Variants in SLCO5A1 observed in about 807,000 individuals in gnomAD.
SLCO5A1 encodes solute carrier organic anion transporter family member 5A1.
A neutral mutation model predicts 65.1 loss-of-function variants in SLCO5A1; 39 were observed. The observed-to-expected ratio is 0.60, with a 90% CI of 0.46 to 0.78. SLCO5A1 has a LOEUF of 0.78. Among genes scored for constraint, SLCO5A1 ranks in the 30% least tolerant of loss-of-function variants. The pLI is 0.00. For missense variants in SLCO5A1, 1,029 were observed against 1,069.4 expected, an observed-to-expected ratio of 0.96 and a Z score of 0.53; for synonymous variants, 438 against 415.7, an observed-to-expected ratio of 1.05 and a Z score of -0.65.
At chr8:69,820,197 A>G (rs1010637227) in intron 2 of SLCO5A1, among the ~76,000 whole-genome samples, 5 of 152,228 alleles carry the variant, frequency 3.3e-5, no homozygotes, top group African/African-American at 1.2e-4. Context: ...TAGAGGAAAC[A>G]GGTACTGCCT....
At chr8:69,728,230 T>C (rs1478536201) in intron 5 of SLCO5A1, among the ~76,000 whole-genome samples, 1 of 152,178 alleles carries the variant, frequency 6.6e-6, no homozygotes, top group Non-Finnish European at 1.5e-5. Flanking sequence ...GCATACGTAA[T>C]ACATGTATTT....
chr8:69,688,464 C>A (rs1814095790), intron 6 of SLCO5A1, among the ~76,000 whole-genome samples: 1 of 152,068 alleles, frequency 6.6e-6, no homozygotes, highest in African/African-American at 2.4e-5. Flanking sequence ...TTAGGTATAT[C>A]TCCCAATGCT....
At chr8:69,736,320 T>C (rs1343911839) in intron 5 of SLCO5A1, among the ~76,000 whole-genome samples, 1 of 152,242 alleles carries the variant, frequency 6.6e-6, no homozygotes, top group Non-Finnish European at 1.5e-5. Context: ...CTGAACCCTT[T>C]ATTTTCCACA....
intron 6 of SLCO5A1, 44 bp from the exon 7 acceptor site, chr8:69,682,387 T>C (rs747336806): frequency 6.9e-7 from 1 of 1,454,220 alleles, no homozygotes; most frequent in South Asian, 1.5e-5. Context: ...CTTACCAAAA[T>C]AAAACTCATA....
intron 5 of SLCO5A1, among the ~76,000 whole-genome samples, chr8:69,737,343 C>T (rs11785641): frequency 2.0e-5 from 3 of 152,052 alleles, no homozygotes; most frequent in Admixed American, 6.6e-5. Context: ...ATAAATTAAG[C>T]CTTTAGGAAG....
chr8:69,801,747 A>C (rs1819746829), intron 2 of SLCO5A1, among the ~76,000 whole-genome samples: 1 of 152,194 alleles, frequency 6.6e-6, no homozygotes, highest in African/African-American at 2.4e-5. Context: ...TCCCTGGTCA[A>C]AAAAATCAGT....
chr8:69,813,628 C>T (rs376595527), intron 2 of SLCO5A1, among the ~76,000 whole-genome samples: 49 of 152,300 alleles, frequency 3.2e-4, no homozygotes, highest in African/African-American at 1.1e-3. Context: ...ATCTCTCAAG[C>T]CGCCGGGAGG....
intron 5 of SLCO5A1, among the ~76,000 whole-genome samples, chr8:69,736,301 C>T (rs1256268204): frequency 6.6e-6 from 1 of 152,242 alleles, no homozygotes; most frequent in Non-Finnish European, 1.5e-5. Flanking sequence ...GCCGACACCC[C>T]AGCTCCAGCT....
At chr8:69,765,403 C>T (rs75412296) in intron 2 of SLCO5A1, among the ~76,000 whole-genome samples, 16,672 of 145,056 alleles carry the variant, frequency 0.11, 982 homozygotes, top group African/African-American at 0.14. Flanking sequence ...TATATATATA[C>T]ACACACACAC....
chr8:69,760,583 A>G (rs1284749154), intron 3 of SLCO5A1, among the ~76,000 whole-genome samples: 3 of 152,184 alleles, frequency 2.0e-5, no homozygotes, highest in African/African-American at 7.2e-5. Context: ...TGAGTGAGTA[A>G]TTACTTGGCA....
At chr8:69,752,216 G>A (rs1817339203) in intron 4 of SLCO5A1, among the ~76,000 whole-genome samples, 2 of 152,190 alleles carry the variant, frequency 1.3e-5, no homozygotes, top group South Asian at 4.2e-4. Flanking sequence ...GGGTGACAGA[G>A]AGAGACTCTG....
intron 5 of SLCO5A1, among the ~76,000 whole-genome samples, chr8:69,728,929 C>G (rs752293184): frequency 6.6e-6 from 1 of 152,012 alleles, no homozygotes; most frequent in Non-Finnish European, 1.5e-5. Flanking sequence ...ACCCGAGTGT[C>G]CAGATGATGG....
At chr8:69,735,817 A>C (rs1400292044) in intron 5 of SLCO5A1, among the ~76,000 whole-genome samples, 1 of 152,162 alleles carries the variant, frequency 6.6e-6, no homozygotes, top group East Asian at 1.9e-4. Flanking sequence ...TGTATCCCAG[A>C]ACTTAAAATT....
Position 69,757,572 on chromosome 8 carries a change from G to A in SLCO5A1, c.1041-1931C>T, listed in dbSNP as rs536520820. ...CAAGTGCCTGTAATCCCAGCTACTC[G>A]GGAGGCTGAGGCAGGAGAATGGCTT... On this transcript the variant is annotated intron_variant, in intron 3 of 9. Coordinates refer to ENST00000260126, the MANE Select transcript of SLCO5A1 (RefSeq NM_030958.3). Among the ~76,000 whole-genome samples, 19 of 152,194 alleles carry A rather than the reference G, an allele frequency of 1.2e-4. 1 individual carries two copies. Among genetic ancestry groups the A allele is most frequent in the Admixed American group, 3.3e-4 (5 of 15,286 alleles).
At chr8:69,747,493 A>G (rs1395588591) in intron 4 of SLCO5A1, among the ~76,000 whole-genome samples, 2 of 152,222 alleles carry the variant, frequency 1.3e-5, no homozygotes, top group African/African-American at 4.8e-5. Context: ...TTCCCTAATC[A>G]AGACCATATA....
intron 2 of SLCO5A1, among the ~76,000 whole-genome samples, chr8:69,767,607 T>G (rs1243253109): frequency 2.0e-5 from 3 of 152,084 alleles, no homozygotes; most frequent in Non-Finnish European, 2.9e-5. Context: ...ATAAGCTGTT[T>G]TAGGCCAGGC....
At chr8:69,749,197 C>G (rs1817167947) in intron 4 of SLCO5A1, among the ~76,000 whole-genome samples, 1 of 152,182 alleles carries the variant, frequency 6.6e-6, no homozygotes, top group African/African-American at 2.4e-5. Context: ...TTAGGCAGCT[C>G]AAGTTCAGAA....
intron 5 of SLCO5A1, among the ~76,000 whole-genome samples, chr8:69,717,949 G>A (rs1032978439): frequency 2.0e-5 from 3 of 152,036 alleles, no homozygotes; most frequent in Non-Finnish European, 4.4e-5. Context: ...TTAATTTTCA[G>A]GAATGCACTG....
intron 5 of SLCO5A1, among the ~76,000 whole-genome samples, chr8:69,731,983 A>G (rs181123910): frequency 4.6e-5 from 7 of 152,366 alleles, no homozygotes; most frequent in South Asian, 2.1e-4. Context: ...GTATACATTT[A>G]CAAAACTAGT....
Sources: allele counts gnomAD v4.1 joint callset (sites outside exome capture counted in the v4.1 genomes callset), GRCh38; gene constraint gnomAD v4.1.1; transcripts MANE v1.5; gene names NCBI Gene and HGNC (gene_info 2026-07-23, HGNC 2026-07-21).